LYRM4: variants seen among roughly 807,000 people sequenced by gnomAD.
The protein encoded by LYRM4 is LYR motif-containing protein 4.
Under a neutral mutation model 11.7 loss-of-function variants are expected in LYRM4, and 9 were observed. The ratio of observed to expected loss-of-function variants is 0.77; its 90% CI spans 0.46 to 1.34. The LOEUF (loss-of-function observed/expected upper bound fraction) is 1.34. Among genes scored for constraint, LYRM4 ranks in the 40% most tolerant of loss-of-function variants. LYRM4 has a pLI of 0.00. For missense variants in LYRM4, 133 were observed against 112.5 expected, an observed-to-expected ratio of 1.18 and a Z score of -0.82; for synonymous variants, 42 against 40.4, an observed-to-expected ratio of 1.04 and a Z score of -0.15.
chr6:5,234,657 A>C (rs1170159871), intron 1 of LYRM4, among the ~76,000 whole-genome samples: 1 of 152,182 alleles, frequency 6.6e-6, no homozygotes, highest in African/African-American at 2.4e-5. Context: ...AAGGTTCTAC[A>C]TGAGTAGGAA....
chr6:5,103,628 A>C (rs1762568142), downstream of LYRM4: 2 of 98,662 alleles, frequency 2.0e-5, no homozygotes, highest in Admixed American at 2.5e-4. Flanking sequence ...AATATCTGAG[A>C]TATTTTTTTT....
chr6:5,085,779 C>T, the LYRM4 span: 133 of 1,532,854 alleles, frequency 8.7e-5, no homozygotes, highest in Non-Finnish European at 1.1e-4. Flanking sequence ...CGGCCAAGTT[C>T]CTGCAGCAGC....
At chr6:5,041,360 A>T in the LYRM4 span, among the ~76,000 whole-genome samples, 1 of 152,288 alleles carries the variant, frequency 6.6e-6, no homozygotes, top group South Asian at 2.1e-4. Flanking sequence ...CATAAATTAC[A>T]TATTCCGTTT....
chr6:5,132,389 C>A (rs186109842), intron 2 of LYRM4, among the ~76,000 whole-genome samples: 1 of 152,252 alleles, frequency 6.6e-6, no homozygotes, highest in East Asian at 1.9e-4. Flanking sequence ...TCTAGGTCTT[C>A]TGACTTCAAA....
chr6:5,137,730 C>G (rs1258005695), intron 2 of LYRM4, among the ~76,000 whole-genome samples: 2 of 152,156 alleles, frequency 1.3e-5, no homozygotes, highest in African/African-American at 2.4e-5. Context: ...TAAAACCACC[C>G]AGTTGATTGT....
rs147788738 is a variant in LYRM4 at position 5,136,480 on chromosome 6, T to C, written c.208-26989A>G. The C allele has an allele frequency of 1.9e-4, 182 of 952,604 alleles. 3 individuals are homozygous for C. The East Asian group carries it at 0.019, about 98-fold the overall frequency. 59.0% of individuals were successfully genotyped at this position (952,604 alleles called of 1,614,324 possible). A position where few individuals can be genotyped will look rare whatever the true frequency, so the allele number is the denominator to read the frequency against. On this transcript the variant is annotated intron_variant, in intron 2 of 2. Coordinates refer to ENST00000330636, the MANE Select transcript of LYRM4 (RefSeq NM_020408.6). ...TCTGCCAATCACTGGCTCCGAAACC[T>C]TGGGTTTCACCTAACCCTGTAGTCT...
At chr6:5,032,268 G>A in the LYRM4 span, 2 of 152,236 alleles carry the variant, frequency 1.3e-5, no homozygotes, top group African/African-American at 4.8e-5. Context: ...AAGGCTGTAA[G>A]AAGGAGCAAG....
At chr6:5,060,886 C>G in the LYRM4 span, among the ~76,000 whole-genome samples, 1 of 152,120 alleles carries the variant, frequency 6.6e-6, no homozygotes, top group Admixed American at 6.5e-5. Flanking sequence ...AGATTCTGCC[C>G]ACCCCATAGC....
intron 2 of LYRM4, among the ~76,000 whole-genome samples, chr6:5,166,633 C>T (rs760208723): frequency 1.3e-4 from 20 of 151,912 alleles, no homozygotes; most frequent in Non-Finnish European, 2.4e-4. Context: ...TTATCATCAC[C>T]ACATCAGGTG....
At chr6:5,066,508 C>A in the LYRM4 span, 1 of 789,218 alleles carries the variant, frequency 1.3e-6, no homozygotes, top group South Asian at 1.3e-5. Flanking sequence ...ATTACTCCAC[C>A]ACTTCTAGGA....
chr6:5,199,942 CA>C (rs1235242341), intron 2 of LYRM4, among the ~76,000 whole-genome samples: 1 of 152,190 alleles, frequency 6.6e-6, no homozygotes, highest in African/African-American at 2.4e-5. Context: ...AACACAGTTT[CA>C]AAACAGACTG....
chr6:5,131,690 T>C (rs751924157), intron 2 of LYRM4, among the ~76,000 whole-genome samples: 40 of 152,192 alleles, frequency 2.6e-4, no homozygotes, highest in Non-Finnish European at 3.7e-4. Flanking sequence ...ATCTCTTCTA[T>C]GGTAATTGGT....
At chr6:5,116,733 T>C (rs1763134985) in intron 2 of LYRM4, among the ~76,000 whole-genome samples, 1 of 152,148 alleles carries the variant, frequency 6.6e-6, no homozygotes, top group Non-Finnish European at 1.5e-5. Flanking sequence ...TTAGAGTCCA[T>C]TGGAAAAGTA....
At chr6:5,120,059 T>G (rs542696093) in intron 2 of LYRM4, among the ~76,000 whole-genome samples, 20 of 152,078 alleles carry the variant, frequency 1.3e-4, no homozygotes, top group South Asian at 1.2e-3. Flanking sequence ...CACGTCTGGC[T>G]AATTTTTTTG....
intron 2 of LYRM4, chr6:5,136,883 T>C (rs1757127809): frequency 2.1e-6 from 2 of 947,968 alleles, no homozygotes; most frequent in South Asian, 4.9e-5. Flanking sequence ...AATTAAAGTG[T>C]ACAATTCAAT....
At chr6:5,201,195 C>T (rs140602746) in intron 2 of LYRM4, among the ~76,000 whole-genome samples, 7 of 152,090 alleles carry the variant, frequency 4.6e-5, no homozygotes, top group Non-Finnish European at 8.8e-5. Context: ...ATGTATCAGT[C>T]TTCCTTTAGT....
the LYRM4 span, among the ~76,000 whole-genome samples, chr6:5,063,827 C>T: frequency 6.6e-6 from 1 of 152,226 alleles, no homozygotes. Flanking sequence ...CCTGGACAGT[C>T]CTGTTCATCT....
the LYRM4 span, chr6:5,084,584 C>T: frequency 3.9e-5 from 6 of 152,054 alleles, no homozygotes; most frequent in Admixed American, 2.0e-4. Flanking sequence ...CGCGAATGGC[C>T]TCCGGCCGCT....
At chr6:5,226,795 CT>C (rs1762920929) in intron 1 of LYRM4, among the ~76,000 whole-genome samples, 1 of 152,124 alleles carries the variant, frequency 6.6e-6, no homozygotes, top group Non-Finnish European at 1.5e-5. Context: ...ACAATAATTA[CT>C]TTTGGTTATT....
Sources: allele counts gnomAD v4.1 joint callset (sites outside exome capture counted in the v4.1 genomes callset), GRCh38; gene constraint gnomAD v4.1.1; transcripts MANE v1.5; gene names NCBI Gene and HGNC (gene_info 2026-07-23, HGNC 2026-07-21).